The following RPS6KA2 variants were observed in gnomAD, a reference collection of about 807,000 sequenced individuals.
RPS6KA2 encodes the protein ribosomal protein S6 kinase A2, also known as ribosomal protein S6 kinase alpha-2.
In RPS6KA2, 42 loss-of-function variants were observed where a neutral mutation model predicts 91.8. That is an observed-to-expected ratio of 0.46 (90% CI 0.36 to 0.59). The LOEUF (loss-of-function observed/expected upper bound fraction) is 0.59. RPS6KA2 is among the 20% of genes least tolerant of loss of function. RPS6KA2 has a pLI of 0.00. For synonymous variants in RPS6KA2, 414 were observed against 393.6 expected (o/e 1.05, Z -0.61); for missense variants, 798 against 978.5 (o/e 0.82, Z 2.46).
rs150066666 is a variant in RPS6KA2, at chr6:166,731,847, C to A, written c.123+126353G>T. Among the ~76,000 whole-genome samples the A allele has an allele frequency of 7.9e-5, 12 of 152,162 alleles. No homozygotes were observed. The East Asian group carries it at 2.3e-3, about 29-fold the overall frequency. On this transcript the variant is annotated intron_variant, in intron 2 of 21. Coordinates refer to the RPS6KA2 transcript ENST00000503859. ...CCTGTGTGGGGCGGTCCCATGGAACCTCTCTAAAGGACTCCCCCGGGGCCA... is the reference window on the plus strand; with the variant it reads ...CCTGTGTGGGGCGGTCCCATGGAACATCTCTAAAGGACTCCCCCGGGGCCA...
chr6:166,513,223 G>A (rs753753964), intron 3 of RPS6KA2, among the ~76,000 whole-genome samples: 8 of 152,190 alleles, frequency 5.3e-5, no homozygotes, highest in East Asian at 1.9e-4. Flanking sequence ...GACAGGCATC[G>A]AGTAGGCACC....
At chr6:166,443,698 C>T (rs1779589976) in intron 14 of RPS6KA2, among the ~76,000 whole-genome samples, 1 of 152,124 alleles carries the variant, frequency 6.6e-6, no homozygotes, top group South Asian at 2.1e-4. Context: ...ACATTTATCT[C>T]AACTGCAAAT....
chr6:166,781,158 A>T (rs1043822406), intron 2 of RPS6KA2, among the ~76,000 whole-genome samples: 1 of 152,246 alleles, frequency 6.6e-6, no homozygotes, highest in Non-Finnish European at 1.5e-5. Flanking sequence ...TATGAAGGTC[A>T]TAGCTTTAGA....
chr6:166,789,213 C>A (rs1779012564), intron 2 of RPS6KA2, among the ~76,000 whole-genome samples: 1 of 152,208 alleles, frequency 6.6e-6, no homozygotes, highest in African/African-American at 2.4e-5. Context: ...GAGATTATAT[C>A]CCACACCTGG....
intron 2 of RPS6KA2, among the ~76,000 whole-genome samples, chr6:166,671,870 T>C (rs2128561237): frequency 6.6e-6 from 1 of 152,124 alleles, no homozygotes; most frequent in South Asian, 2.1e-4. Context: ...GCCTCAGAGA[T>C]GCAAATTGGG....
intron 7 of RPS6KA2, among the ~76,000 whole-genome samples, chr6:166,499,009 G>A (rs933208652): frequency 4.4e-4 from 67 of 152,290 alleles, no homozygotes; most frequent in Non-Finnish European, 8.7e-4. Flanking sequence ...AGGGACCTGG[G>A]GTGGAAGGCA....
intron 1 of RPS6KA2, among the ~76,000 whole-genome samples, chr6:166,622,519 T>C (rs530541602): frequency 6.6e-6 from 1 of 152,254 alleles, no homozygotes; most frequent in East Asian, 1.9e-4. Context: ...TAATTAGAAA[T>C]GGTTTTCTTG....
chr6:166,435,744 A>G lies in RPS6KA2; in HGVS notation c.1333-3254T>C, dbSNP rs886565827. ...CACGTTTGCTGTCTCAGGCGACAAC[A>G]CTGCTGTGGGTGTGGGTGGCTTGGC... On this transcript the variant is annotated intron_variant, in intron 14 of 20. Coordinates refer to ENST00000265678, the MANE Select transcript of RPS6KA2 (RefSeq NM_021135.6). The surrounding 1 kb of genome is among the most constrained non-coding windows in gnomAD (Gnocchi z 4.3). Among the ~76,000 whole-genome samples the G allele has an allele frequency of 2.6e-5, 4 of 152,202 alleles. No individual in the cohort carries two copies. The highest frequency in any genetic ancestry group is 6.5e-5 in the Admixed American group (1 of 15,280).
chr6:166,773,862 T>C (rs1419166969), intron 2 of RPS6KA2, among the ~76,000 whole-genome samples: 1 of 152,208 alleles, frequency 6.6e-6, no homozygotes, highest in Non-Finnish European at 1.5e-5. Flanking sequence ...TTTGTGCAAA[T>C]GATCGTCCTC....
intron 1 of RPS6KA2, among the ~76,000 whole-genome samples, chr6:166,618,567 G>C (rs1562345616): frequency 1.3e-5 from 2 of 152,218 alleles, no homozygotes; most frequent in Non-Finnish European, 1.5e-5. Flanking sequence ...ACCATCACTA[G>C]AAGATCAGGC....
At chr6:166,470,492 C>T (rs1263328669) in intron 10 of RPS6KA2, among the ~76,000 whole-genome samples, 2 of 152,246 alleles carry the variant, frequency 1.3e-5, no homozygotes, top group African/African-American at 4.8e-5. Flanking sequence ...CTGCTTTGTT[C>T]TGTTATTTCT....
At chr6:166,769,810 G>A (rs1261876881) in intron 2 of RPS6KA2, among the ~76,000 whole-genome samples, 2 of 152,196 alleles carry the variant, frequency 1.3e-5, no homozygotes, top group South Asian at 2.1e-4. Flanking sequence ...CCCCAGCGAC[G>A]GGGCTGAGAA....
At chr6:166,862,326 C>T in exon 1 of RPS6KA2, 1 of 1,495,326 alleles carries the variant, frequency 6.7e-7, no homozygotes, top group South Asian at 1.3e-5. Flanking sequence ...AGATCCGGCT[C>T]CCAGAGGAGG....
At chr6:166,859,210 C>T (rs576402193) in intron 1 of RPS6KA2, among the ~76,000 whole-genome samples, 119 of 152,166 alleles carry the variant, frequency 7.8e-4, no homozygotes, top group African/African-American at 2.8e-3. Context: ...TGTTTAAAAA[C>T]GGAGCTTTCT....
chr6:166,534,286 GGTGC>G (rs1783409188), intron 2 of RPS6KA2, among the ~76,000 whole-genome samples: 1 of 151,866 alleles, frequency 6.6e-6, no homozygotes, highest in African/African-American at 2.4e-5. Context: ...GGTGGTTGGT[GGTGC>G]GTGCCTGTAG....
At position 166,435,009 on chromosome 6, in the gene RPS6KA2, A is replaced by G. The variant is rs1079840; in HGVS notation, c.1333-2519T>C. ...ATGGGTGGGAGGGAAACTTTGCTGT[A>G]TCCACATGAATTTTTAAAAATTTTG... is the stretch of plus-strand genomic sequence containing the variant. On this transcript the variant is annotated intron_variant, in intron 14 of 20. Transcript: ENST00000265678. The surrounding 1 kb of genome is among the most constrained non-coding windows in gnomAD (Gnocchi z 4.3). 1.4e-4 allele frequency among the ~76,000 whole-genome samples: 21 copies of G among 152,222 alleles called. No individual in the cohort carries two copies. Among genetic ancestry groups the G allele is most frequent in the South Asian group, 8.3e-4 (4 of 4,836 alleles).
At chr6:166,658,157 C>T (rs1249335346) in intron 2 of RPS6KA2, among the ~76,000 whole-genome samples, 1 of 152,194 alleles carries the variant, frequency 6.6e-6, no homozygotes, top group East Asian at 1.9e-4. Context: ...GCTGAGAGTA[C>T]AGGCATGAGC....
intron 2 of RPS6KA2, among the ~76,000 whole-genome samples, chr6:166,777,957 A>C (rs1304949170): frequency 6.6e-6 from 1 of 152,278 alleles, no homozygotes; most frequent in Non-Finnish European, 1.5e-5. Context: ...AGAAGACTAA[A>C]GTAAATCTTA....
intron 1 of RPS6KA2, among the ~76,000 whole-genome samples, chr6:166,606,121 G>T (rs1232067181): frequency 2.6e-5 from 4 of 152,196 alleles, no homozygotes; most frequent in Non-Finnish European, 5.9e-5. Flanking sequence ...TACAGCCCAA[G>T]GATGCAGTTC....
Sources: allele counts gnomAD v4.1 joint callset (sites outside exome capture counted in the v4.1 genomes callset), GRCh38; gene constraint gnomAD v4.1.1; non-coding constraint Gnocchi (gnomAD v3.1); transcripts MANE v1.5; gene names NCBI Gene and HGNC (gene_info 2026-07-23, HGNC 2026-07-21).